LAMA1: variants seen among roughly 807,000 people sequenced by gnomAD.
LAMA1 encodes the protein laminin subunit alpha-1.
Under a neutral mutation model 348.7 loss-of-function variants are expected in LAMA1, and 219 were observed. That is an observed-to-expected ratio of 0.63 (90% confidence interval 0.56 to 0.70). LAMA1 has a LOEUF of 0.70. Ranked by LOEUF, LAMA1 falls within the 30% of genes least tolerant of loss-of-function variation. The pLI is 0.00. For missense variants in LAMA1, 3,744 were observed against 3,888.0 expected (o/e 0.96, Z 0.99); for synonymous variants, 1,487 against 1,491.0 (o/e 1.00, Z 0.06).
rs777460868 is a variant in LAMA1 at position 7,015,741 on chromosome 18, T to A, written c.3107A>T (p.Asp1036Val). The A allele has an allele frequency of 3.1e-6, 5 of 1,614,036 alleles. No individual in the cohort carries two copies. Among genetic ancestry groups the A allele is most frequent in the Non-Finnish European group, 4.2e-6 (5 of 1,180,008 alleles). ...GCTCACCTGGCACCCCACCTCCGCA[T>A]CGTAGCCCCAGTGCCCATCCTCACA... ...EECEDGHWGYDAEVGCQACNC... is the reference protein window; with the variant it reads ...EECEDGHWGYVAEVGCQACNC... The change falls in exon 22 of 63, where the codon GAT becomes GTT. Residue 1036 changes from aspartate (D) to valine (V), a missense_variant. Transcript: ENST00000389658.
At chr18:7,013,433 G>T (rs1023937672) in intron 23 of LAMA1, among the ~76,000 whole-genome samples, 1 of 151,890 alleles carries the variant, frequency 6.6e-6, no homozygotes, top group Non-Finnish European at 1.5e-5. Context: ...AATAAACCCC[G>T]ATTTCCTTCA....
intron 56 of LAMA1, 199 bp from the exon 57 acceptor site, chr18:6,955,664 A>AC: frequency 2.9e-6 from 2 of 681,546 alleles, no homozygotes; most frequent in Non-Finnish European, 5.4e-6. Flanking sequence ...GAAAGCACTT[A>AC]GAGCTTCTGT....
At chr18:7,097,826 TCCCTCTCCCTCTC>T (rs1295429180) in intron 1 of LAMA1, among the ~76,000 whole-genome samples, 2 of 151,748 alleles carry the variant, frequency 1.3e-5, no homozygotes, top group African/African-American at 4.8e-5. Context: ...CTTACACCTC[TCCCTCTCCCTCTC>T]CCCTCTCCCC....
At chr18:6,996,585 CA>C in intron 33 of LAMA1, among the ~76,000 whole-genome samples, 1 of 151,998 alleles carries the variant, frequency 6.6e-6, no homozygotes, top group East Asian at 1.9e-4. Context: ...CCAGCCTGCA[CA>C]ACATAGTGAG....
chr18:7,038,240 G>C (rs1184291838), intron 11 of LAMA1, among the ~76,000 whole-genome samples: 2 of 152,110 alleles, frequency 1.3e-5, no homozygotes, highest in African/African-American at 4.8e-5. Flanking sequence ...TGCTGGGTAA[G>C]TCCCTACCGA....
At chr18:6,945,200 A>G (rs1318423995) in intron 61 of LAMA1, among the ~76,000 whole-genome samples, 1 of 152,168 alleles carries the variant, frequency 6.6e-6, no homozygotes, top group African/African-American at 2.4e-5. Flanking sequence ...TGGCCCTGGT[A>G]ACATTTTTTA....
intron 1 of LAMA1, among the ~76,000 whole-genome samples, chr18:7,098,716 G>GT (rs1189893262): frequency 6.8e-5 from 10 of 146,630 alleles, no homozygotes; most frequent in African/African-American, 2.5e-4. Flanking sequence ...CGGGAGGGAG[G>GT]TGGGGGGGTC....
intron 8 of LAMA1, chr18:7,042,495 C>T: frequency 4.5e-6 from 2 of 445,762 alleles, no homozygotes; most frequent in Non-Finnish European, 8.3e-6. Context: ...TATCCCTGCT[C>T]TCCAGCCCCC....
intron 32 of LAMA1, 61 bp downstream of exon 32, chr18:6,999,384 T>C: frequency 6.4e-7 from 1 of 1,566,614 alleles, no homozygotes; most frequent in Non-Finnish European, 8.8e-7. Flanking sequence ...CGTCACCACT[T>C]CTTTCCCGAC....
chr18:6,997,896 A>AT lies in LAMA1; in HGVS notation c.4664-13dup, dbSNP rs764793185. Reference sequence around the variant, plus strand: ...CTCATCATCACAGGCTACAAGACAAATTTTTAAAAAGGAGAGTTAAAGTTA... The same window carrying AT: ...CTCATCATCACAGGCTACAAGACAAATTTTTTAAAAAGGAGAGTTAAAGTTA... On this transcript the variant is annotated splice_polypyrimidine_tract_variant and intron_variant, in intron 32 of 62. Coordinates refer to ENST00000389658, the MANE Select transcript of LAMA1 (RefSeq NM_005559.4). 1.7e-5 allele frequency: 28 copies of AT among 1,613,506 alleles called. 1 individual carries two copies. The South Asian group carries it at 2.7e-4, about 16-fold the overall frequency.
Position 7,009,276 on chromosome 18 carries a change from T to C in LAMA1, c.3964A>G (p.Ile1322Val). 6.2e-7 allele frequency: 1 copy of C among 1,614,120 alleles called. No homozygotes were observed. Among genetic ancestry groups the C allele is most frequent in the Non-Finnish European group, 8.5e-7 (1 of 1,179,990 alleles). Reference protein sequence around the residue: ...SVLSDIEYILIKASYGQGLQQ... With the variant: ...SVLSDIEYILVKASYGQGLQQ... ...AATCCTTGACCATACGATGCCTTGA[T>C]GAGGATGTACTCAATATCGCTGAGG... Residue 1322 changes from isoleucine (I) to valine (V), a missense_variant, in exon 27 of 63, where the codon ATC becomes GTC. Physicochemically the swap from Ile to Val is conservative, Grantham distance 29. Coordinates refer to ENST00000389658, the MANE Select transcript of LAMA1 (RefSeq NM_005559.4).
At chr18:6,992,969 G>T (rs2057765219) in intron 35 of LAMA1, among the ~76,000 whole-genome samples, 1 of 152,188 alleles carries the variant, frequency 6.6e-6, no homozygotes, top group Admixed American at 6.5e-5. Flanking sequence ...TAAAGGCAAG[G>T]ACATGGTGTC....
chr18:7,077,700 T>G (rs554230351), intron 3 of LAMA1, among the ~76,000 whole-genome samples: 1 of 151,964 alleles, frequency 6.6e-6, no homozygotes. Flanking sequence ...TCATATAATA[T>G]CACATTCTTA....
At chr18:6,997,693 T>C in intron 33 of LAMA1, 49 bp downstream of exon 33, 1 of 1,582,722 alleles carries the variant, frequency 6.3e-7, no homozygotes, top group Non-Finnish European at 8.7e-7. Context: ...AATGACTATA[T>C]CCCTTAATGA....
intron 53 of LAMA1, chr18:6,959,852 G>A (rs73390542): frequency 0.038 from 10,736 of 280,224 alleles, 1,026 homozygotes; most frequent in African/African-American, 0.22. Context: ...ACATGTGAAT[G>A]TTTAATTGTT....
chr18:7,083,594 T>C (rs1040215984), intron 1 of LAMA1, among the ~76,000 whole-genome samples: 1 of 152,172 alleles, frequency 6.6e-6, no homozygotes, highest in Non-Finnish European at 1.5e-5. Flanking sequence ...AAATAATTAA[T>C]TTCATAAAAA....
At chr18:7,083,475 C>G (rs144955706) in intron 1 of LAMA1, among the ~76,000 whole-genome samples, 3 of 151,808 alleles carry the variant, frequency 2.0e-5, no homozygotes, top group Non-Finnish European at 2.9e-5. Flanking sequence ...CTTGAGCCAC[C>G]GCGCCGGGCC....
In LAMA1 at chr18:7,099,423, T is replaced by G. The variant is rs534905954; in HGVS notation, c.61+18237A>C. 6.1e-4 allele frequency among the ~76,000 whole-genome samples: 93 copies of G among 151,348 alleles called. No homozygotes were observed. In the Middle Eastern group the frequency reaches 0.021, roughly 33 times the overall value. The stretch of plus-strand genomic sequence containing the variant: ...TCCCTCCACTATTGTCCTATGACCC[T>G]GCCAAATCCCCCTCTGTGAGAAACA... On this transcript the variant is annotated intron_variant, in intron 1 of 62. Transcript: ENST00000389658.
chr18:7,101,233 G>A (rs1328783193), intron 1 of LAMA1, among the ~76,000 whole-genome samples: 1 of 152,142 alleles, frequency 6.6e-6, no homozygotes, highest in Non-Finnish European at 1.5e-5. Context: ...AATTGGCAGA[G>A]GTTTAGGGTA....
Sources: allele counts gnomAD v4.1 joint callset (sites outside exome capture counted in the v4.1 genomes callset), GRCh38; gene constraint gnomAD v4.1.1; transcripts MANE v1.5; gene names NCBI Gene and HGNC (gene_info 2026-07-23, HGNC 2026-07-21).